UBE2E2: variants seen among roughly 807,000 people sequenced by gnomAD.
The protein encoded by UBE2E2 is ubiquitin-conjugating enzyme E2 E2.
A neutral mutation model predicts 24.7 loss-of-function variants in UBE2E2; 6 were observed. The observed-to-expected ratio is 0.24, with a 90% CI of 0.13 to 0.48. The LOEUF (loss-of-function observed/expected upper bound fraction) is 0.48, where lower values mean the gene tolerates loss of function less well. UBE2E2 is among the 20% of genes least tolerant of loss of function. The pLI is 0.99. For missense variants in UBE2E2, 169 were observed against 245.0 expected, an observed-to-expected ratio of 0.69 and a Z score of 2.07; for synonymous variants, 104 against 83.6, an observed-to-expected ratio of 1.24 and a Z score of -1.33.
intron 3 of UBE2E2, among the ~76,000 whole-genome samples, chr3:23,317,487 A>C (rs1694614347): frequency 6.6e-6 from 1 of 152,144 alleles, no homozygotes; most frequent in East Asian, 1.9e-4. Flanking sequence ...GTCTGTTTTC[A>C]CACTGCTGAT....
At chr3:23,566,954 A>G (rs1310103910) in intron 5 of UBE2E2, among the ~76,000 whole-genome samples, 1 of 152,222 alleles carries the variant, frequency 6.6e-6, no homozygotes, top group African/African-American at 2.4e-5. Flanking sequence ...CCTTACCACT[A>G]TGGCAGTATC....
chr3:23,526,586 G>C (rs1044024061), intron 4 of UBE2E2, among the ~76,000 whole-genome samples: 1 of 151,912 alleles, frequency 6.6e-6, no homozygotes, highest in African/African-American at 2.4e-5. Flanking sequence ...GTATAGTATT[G>C]AAGTAGGAAT....
intron 3 of UBE2E2, among the ~76,000 whole-genome samples, chr3:23,425,692 A>G (rs1386530724): frequency 1.3e-5 from 2 of 152,162 alleles, no homozygotes; most frequent in Non-Finnish European, 1.5e-5. Flanking sequence ...AGGATATACA[A>G]GCTTGAGAGT....
chr3:23,293,123 A>C (rs1354354185), intron 3 of UBE2E2, among the ~76,000 whole-genome samples: 1 of 152,220 alleles, frequency 6.6e-6, no homozygotes, highest in Non-Finnish European at 1.5e-5. Flanking sequence ...GGTTGTGATT[A>C]TTAAATATTT....
chr3:23,302,406 C>T (rs1005664844), intron 3 of UBE2E2, among the ~76,000 whole-genome samples: 1 of 152,140 alleles, frequency 6.6e-6, no homozygotes, highest in Non-Finnish European at 1.5e-5. Context: ...GCAATTTCCC[C>T]ACCACTAAAA....
chr3:23,413,947 C>G (rs977865452), intron 3 of UBE2E2, among the ~76,000 whole-genome samples: 1 of 152,156 alleles, frequency 6.6e-6, no homozygotes, highest in African/African-American at 2.4e-5. Context: ...ATCTGTATAT[C>G]TTGGTTTTTA....
At chr3:23,253,291 T>C (rs1697628831) in intron 3 of UBE2E2, among the ~76,000 whole-genome samples, 1 of 151,942 alleles carries the variant, frequency 6.6e-6, no homozygotes, top group East Asian at 1.9e-4. Flanking sequence ...ACTGGAAAAA[T>C]GTATTCACAG....
At chr3:23,360,992 A>G (rs957640842) in intron 3 of UBE2E2, among the ~76,000 whole-genome samples, 3 of 152,180 alleles carry the variant, frequency 2.0e-5, no homozygotes, top group Non-Finnish European at 2.9e-5. Flanking sequence ...GCAAGAAAAA[A>G]AAATCCCATC....
chr3:23,208,791 C>G lies in UBE2E2; in HGVS notation c.92C>G (p.Pro31Arg). ...GDQRESVQQEPEREQVQPKKK... is the reference protein window; with the variant it reads ...GDQRESVQQEREREQVQPKKK... Reference sequence around the variant, plus strand: ...CAACGTGAAAGTGTTCAGCAAGAACCAGAAAGAGAACAAGTTCAGCCCAAG... The same window carrying G: ...CAACGTGAAAGTGTTCAGCAAGAACGAGAAAGAGAACAAGTTCAGCCCAAG... The change falls in exon 2 of 6, where the codon CCA (proline) becomes CGA (arginine). Residue 31 changes from proline (P) to arginine (R), a missense_variant. By Grantham distance (103) the Pro-to-Arg change is moderately radical. Around this residue, in one of 2 missense-constraint regions of UBE2E2, gnomAD observed 64 missense variants for 64.3 expected, o/e 1.00. Transcript: ENST00000396703. 1.9e-6 allele frequency: 3 copies of G among 1,613,476 alleles called. No homozygotes were observed. The highest frequency in any genetic ancestry group is 2.5e-6 in the Non-Finnish European group (3 of 1,179,700).
Position 23,344,459 on chromosome 3 carries a change from A to AT in UBE2E2, c.227+127158dup, listed in dbSNP as rs201484751. ...TTATGAAGCAAACTAACGCCTTTGA[A>AT]TTTTTTTTTTTCAGTTTTAACGTGA... On this transcript the variant is annotated intron_variant, in intron 3 of 5. Coordinates refer to ENST00000396703, the MANE Select transcript of UBE2E2 (RefSeq NM_152653.4). 3.4e-3 allele frequency among the ~76,000 whole-genome samples: 504 copies of AT among 148,808 alleles called. 16 individuals carry two copies. The East Asian group carries it at 0.079, about 23-fold the overall frequency.
chr3:23,466,233 A>T (rs975824392), intron 3 of UBE2E2, among the ~76,000 whole-genome samples: 17 of 152,356 alleles, frequency 1.1e-4, no homozygotes, highest in Admixed American at 7.8e-4. Context: ...TTTTATTTTT[A>T]AAAAAGTTAA....
rs995968247 is a variant in UBE2E2, at chr3:23,541,161, ATGT to A, written c.508+8464_508+8466del. Reference sequence around the variant, plus strand: ...AAGATTGTACAGTATCTTGGGAGAAATGTTGTAATTATGAAAATTTGAAGAATT... The same window carrying A: ...AAGATTGTACAGTATCTTGGGAGAAATGTAATTATGAAAATTTGAAGAATT... On this transcript the variant is annotated intron_variant, in intron 5 of 5. Coordinates refer to ENST00000396703, the MANE Select transcript of UBE2E2 (RefSeq NM_152653.4). Among the ~76,000 whole-genome samples the A allele has an allele frequency of 1.8e-4, 28 of 152,288 alleles. No homozygotes were observed. In the East Asian group the frequency reaches 4.6e-3, roughly 25 times the overall value.
intron 3 of UBE2E2, among the ~76,000 whole-genome samples, chr3:23,347,669 T>A (rs145262472): frequency 0.029 from 4,446 of 152,204 alleles, 115 homozygotes; most frequent in East Asian, 0.13. Context: ...AACCTGCACA[T>A]TGTGCACATG....
At chr3:23,555,163 C>T (rs1181936313) in intron 5 of UBE2E2, among the ~76,000 whole-genome samples, 3 of 152,116 alleles carry the variant, frequency 2.0e-5, no homozygotes, top group South Asian at 2.1e-4. Context: ...GTGATCCACC[C>T]GCCTCGGCCT....
chr3:23,586,091 A>C (rs889097022), intron 5 of UBE2E2, among the ~76,000 whole-genome samples: 1 of 152,216 alleles, frequency 6.6e-6, no homozygotes, highest in Admixed American at 6.5e-5. Context: ...CTTCAGGATT[A>C]TTCCACTGAG....
chr3:23,328,513 G>C (rs1575563652), intron 3 of UBE2E2, among the ~76,000 whole-genome samples: 1 of 152,170 alleles, frequency 6.6e-6, no homozygotes, highest in East Asian at 1.9e-4. Context: ...CTAGGGTAAA[G>C]CTATGATGTT....
chr3:23,308,705 T>C (rs1371979176), intron 3 of UBE2E2, among the ~76,000 whole-genome samples: 1 of 152,152 alleles, frequency 6.6e-6, no homozygotes, highest in Non-Finnish European at 1.5e-5. Context: ...ATAAGATATA[T>C]ATACAAAAGA....
chr3:23,214,148 T>C (rs1484244964), intron 2 of UBE2E2, among the ~76,000 whole-genome samples: 3 of 152,194 alleles, frequency 2.0e-5, no homozygotes, highest in Admixed American at 6.5e-5. Flanking sequence ...CTCAGACTTC[T>C]TGAATTCATC....
intron 3 of UBE2E2, among the ~76,000 whole-genome samples, chr3:23,340,649 A>G (rs1437215589): frequency 4.6e-5 from 7 of 152,198 alleles, no homozygotes; most frequent in Admixed American, 4.6e-4. Flanking sequence ...AAGAAAAAAG[A>G]AATCTTTAGC....
Sources: gnomAD v4.1 joint callset for allele counts (sites outside exome capture counted in the v4.1 genomes callset) on GRCh38, gnomAD v4.1.1 for gene constraint, gnomAD v4.1.1 regional missense constraint, MANE v1.5 for transcripts, NCBI Gene and HGNC (gene_info 2026-07-23, HGNC 2026-07-21) for gene names.